SLC44A1: variants seen among roughly 807,000 people sequenced by gnomAD.
The protein encoded by SLC44A1 is solute carrier family 44 member 1, also known as choline transporter-like protein 1.
A neutral mutation model predicts 79.3 loss-of-function variants in SLC44A1; 26 were observed. That is an observed-to-expected ratio of 0.33 (90% CI 0.24 to 0.46). SLC44A1 has a LOEUF of 0.46. Among genes scored for constraint, SLC44A1 ranks in the 20% least tolerant of loss-of-function variants. The pLI, the probability that SLC44A1 is intolerant of heterozygous loss-of-function variation, is 1.00. For missense variants in SLC44A1, 688 were observed against 798.1 expected, an observed-to-expected ratio of 0.86 and a Z score of 1.66; for synonymous variants, 263 against 286.2, an observed-to-expected ratio of 0.92 and a Z score of 0.82.
chr9:105,305,406 A>G (rs2131300162), intron 2 of SLC44A1, among the ~76,000 whole-genome samples: 1 of 151,908 alleles, frequency 6.6e-6, no homozygotes, highest in Middle Eastern at 3.4e-3. Context: ...ATAAATACTC[A>G]CTCTGCATCA....
At chr9:105,264,970 ATTT>A (rs34154165) in intron 1 of SLC44A1, among the ~76,000 whole-genome samples, 1 of 151,814 alleles carries the variant, frequency 6.6e-6, no homozygotes, top group Non-Finnish European at 1.5e-5. Context: ...CTAATTTTGT[ATTT>A]TTAGTAGAGA....
Position 105,389,970 on chromosome 9 carries a change from G to A in SLC44A1, c.*914G>A, listed in dbSNP as rs1828720735. The A allele has an allele frequency of 6.8e-7, 1 of 1,470,054 alleles. No homozygotes were observed. The highest frequency in any genetic ancestry group is 1.4e-5 in the South Asian group (1 of 70,004). 91.1% of individuals were successfully genotyped at this position (1,470,054 alleles called of 1,614,324 possible). ...GGAACATAAAGCATTGAAAATTCCG[G>A]TGCTTGGGCTTCGGCTTCAGAGTAA... On this transcript the variant is annotated 3_prime_UTR_variant, in exon 16 of 16. Coordinates refer to ENST00000374720, the MANE Select transcript of SLC44A1 (RefSeq NM_080546.5).
rs538384440 is a variant in SLC44A1, at chr9:105,414,574, C to T, written c.1951-23707C>T. On this transcript the variant is annotated intron_variant, in intron 15 of 15. Transcript: ENST00000374724. ...TCTTGGATTTACAAAGTTAATATTGCCGTAAAACATAGCAGCATTTTAATT... is the reference window on the plus strand; with the variant it reads ...TCTTGGATTTACAAAGTTAATATTGTCGTAAAACATAGCAGCATTTTAATT... Among the ~76,000 whole-genome samples, 12 of 152,186 alleles carry T rather than the reference C, an allele frequency of 7.9e-5. No homozygotes were observed. The South Asian group carries it at 1.5e-3, about 18-fold the overall frequency.
chr9:105,256,326 G>T (rs1241623753), intron 1 of SLC44A1, among the ~76,000 whole-genome samples: 2 of 152,170 alleles, frequency 1.3e-5, no homozygotes, highest in East Asian at 3.9e-4. Flanking sequence ...TTATATTCTT[G>T]TGGTAATTTT....
intron 3 of SLC44A1, among the ~76,000 whole-genome samples, chr9:105,315,271 GTT>G (rs72336954): frequency 0.076 from 9,920 of 130,224 alleles, 858 homozygotes; most frequent in African/African-American, 0.21. Flanking sequence ...TTTTTTGTTT[GTT>G]TTTTTTTTTT....
rs1349463600 is a variant in SLC44A1 at position 105,305,842 on chromosome 9, CCTTT to C, written c.127-3881_127-3878del. Among the ~76,000 whole-genome samples the C allele has an allele frequency of 1.9e-3, 251 of 134,354 alleles. 3 individuals carry two copies. Among genetic ancestry groups the C allele is most frequent in the African/African-American group, 7.0e-3 (234 of 33,658 alleles). 88.1% of individuals were successfully genotyped at this position (134,354 alleles called of 152,430 possible). A position where few individuals can be genotyped will look rare whatever the true frequency, so the allele number is the denominator to read the frequency against. On this transcript the variant is annotated intron_variant, in intron 2 of 15. Transcript: ENST00000374720. The stretch of plus-strand genomic sequence containing the variant: ...ACATGCTTGTGAAATAAAAGTGTGT[CCTTT>C]TTTTTTTTTTTTTTTTTTTTTACTA...
At chr9:105,314,439 C>T (rs1471763799) in intron 3 of SLC44A1, among the ~76,000 whole-genome samples, 3 of 152,202 alleles carry the variant, frequency 2.0e-5, no homozygotes, top group Non-Finnish European at 4.4e-5. Context: ...ATTCTTCAAA[C>T]AGTCCTAACA....
chr9:105,343,599 A>G (rs1013661337), intron 4 of SLC44A1, among the ~76,000 whole-genome samples: 7 of 152,192 alleles, frequency 4.6e-5, no homozygotes, highest in Non-Finnish European at 1.5e-5. Context: ...GAAATGATCA[A>G]CTCTAGCAAC....
At position 105,373,734 on chromosome 9, in the gene SLC44A1, A is replaced by C. The variant is rs369739790; in HGVS notation, c.1495-864A>C. The stretch of plus-strand genomic sequence containing the variant: ...GTGTTGGCCTCACCCTCAGTTTTAC[A>C]CTGTGACCTTCAGCAGCTCTTCTCA... On this transcript the variant is annotated intron_variant, in intron 12 of 15. Coordinates refer to ENST00000374720, the MANE Select transcript of SLC44A1 (RefSeq NM_080546.5). Among the ~76,000 whole-genome samples, 3 of 152,188 alleles carry C rather than the reference A, an allele frequency of 2.0e-5. No individual in the cohort carries two copies. In the East Asian group the frequency reaches 5.8e-4, roughly 29 times the overall value.
intron 15 of SLC44A1, among the ~76,000 whole-genome samples, chr9:105,434,266 T>A (rs924227754): frequency 7.2e-5 from 11 of 151,802 alleles, no homozygotes; most frequent in African/African-American, 2.4e-4. Context: ...TTTGAACCCC[T>A]GGAGACAGAG....
At chr9:105,309,595 T>C in intron 2 of SLC44A1, 129 bp from the exon 3 acceptor site, 1 of 741,530 alleles carries the variant, frequency 1.3e-6, no homozygotes, top group Non-Finnish European at 2.2e-6. Context: ...AGTGGAATAG[T>C]GTTTGCAGTA....
chr9:105,279,562 C>T (rs973377694), intron 1 of SLC44A1, among the ~76,000 whole-genome samples: 9 of 152,054 alleles, frequency 5.9e-5, no homozygotes, highest in African/African-American at 2.2e-4. Context: ...GTGAGCCGCC[C>T]GCCTCGGCCT....
chr9:105,390,904 C>T lies in SLC44A1; in HGVS notation c.*1848C>T, dbSNP rs1828748765. On this transcript the variant is annotated 3_prime_UTR_variant, in exon 16 of 16. Coordinates refer to ENST00000374720, the MANE Select transcript of SLC44A1 (RefSeq NM_080546.5). ...GTTAACATCTAATATCTAGTATCACCAAACAGTATCGCTGTTCTCTTTTAT... is the reference window on the plus strand; with the variant it reads ...GTTAACATCTAATATCTAGTATCACTAAACAGTATCGCTGTTCTCTTTTAT... The T allele has an allele frequency of 8.2e-6, 8 of 981,152 alleles. No individual in the cohort carries two copies. Among genetic ancestry groups the T allele is most frequent in the Non-Finnish European group, 7.3e-6 (6 of 825,864 alleles). The allele number at this position is 981,152 out of a possible 1,614,324, so 60.8% of individuals were successfully genotyped here.
intron 15 of SLC44A1, among the ~76,000 whole-genome samples, chr9:105,425,464 T>C (rs1475718566): frequency 6.6e-6 from 1 of 152,238 alleles, no homozygotes; most frequent in Non-Finnish European, 1.5e-5. Flanking sequence ...GAAATAAGTT[T>C]GGTCTTGAAG....
At chr9:105,410,194 AC>A (rs1252979995) in intron 15 of SLC44A1, among the ~76,000 whole-genome samples, 7 of 152,312 alleles carry the variant, frequency 4.6e-5, no homozygotes, top group Non-Finnish European at 8.8e-5. Context: ...TGGCTATGAA[AC>A]CAAAAACACA....
rs1475523939 is a variant in SLC44A1 at position 105,419,208 on chromosome 9, T to C, written c.1951-19073T>C. 2.6e-5 allele frequency among the ~76,000 whole-genome samples: 4 copies of C among 152,318 alleles called. No individual in the cohort carries two copies. The East Asian group carries it at 5.8e-4, about 22-fold the overall frequency. On this transcript the variant is annotated intron_variant, in intron 15 of 15. Coordinates refer to the SLC44A1 transcript ENST00000374724. ...TAGCACAGAACAGCACTAATATAAA[T>C]GCCTGCTCAAATGTGGCTGCAAGAC...
chr9:105,364,771 C>T (rs1442021003), intron 10 of SLC44A1, 51 bp downstream of exon 10: 4 of 1,479,656 alleles, frequency 2.7e-6, no homozygotes, highest in African/African-American at 2.8e-5. Flanking sequence ...GGGATGGTGT[C>T]CGCAGGCTGG....
At chr9:105,252,965 G>C (rs1344420723) in intron 1 of SLC44A1, among the ~76,000 whole-genome samples, 1 of 152,154 alleles carries the variant, frequency 6.6e-6, no homozygotes, top group Non-Finnish European at 1.5e-5. Context: ...ACTCAATAGA[G>C]GGATGCCAGT....
chr9:105,400,835 A>C (rs1343744530), downstream of SLC44A1, among the ~76,000 whole-genome samples: 1 of 152,218 alleles, frequency 6.6e-6, no homozygotes, highest in African/African-American at 2.4e-5. Context: ...AACCTTTGCA[A>C]GGTATTCAAC....
Sources: allele counts gnomAD v4.1 joint callset (sites outside exome capture counted in the v4.1 genomes callset), GRCh38; gene constraint gnomAD v4.1.1; transcripts MANE v1.5; gene names NCBI Gene and HGNC (gene_info 2026-07-23, HGNC 2026-07-21).